The following USP31 variants were observed in gnomAD, a reference collection of about 807,000 sequenced individuals.
USP31 encodes the protein ubiquitin specific peptidase 31.
In USP31, 44 loss-of-function variants were observed where a neutral mutation model predicts 119.4. That is an observed-to-expected ratio of 0.37 (90% CI 0.29 to 0.47). The LOEUF is 0.47. USP31 is among the 20% of genes least tolerant of loss of function. The pLI is 0.99. For missense variants in USP31, 1,643 were observed against 1,730.2 expected (o/e 0.95, Z 0.89); for synonymous variants, 749 against 705.6 (o/e 1.06, Z -0.97).
intron 6 of USP31, among the ~76,000 whole-genome samples, chr16:23,094,613 C>G (rs1239170035): frequency 6.6e-6 from 1 of 152,134 alleles, no homozygotes; most frequent in Non-Finnish European, 1.5e-5. Flanking sequence ...ACAGACACCT[C>G]ATACAGGCGG....
At chr16:23,126,081 C>T (rs1391561080) in intron 1 of USP31, among the ~76,000 whole-genome samples, 1 of 150,904 alleles carries the variant, frequency 6.6e-6, no homozygotes, top group Non-Finnish European at 1.5e-5. Context: ...TTTGGGAGGC[C>T]GAGACGTGAG....
At chr16:23,100,822 G>A (rs1040553970) in intron 6 of USP31, among the ~76,000 whole-genome samples, 2 of 152,150 alleles carry the variant, frequency 1.3e-5, no homozygotes, top group African/African-American at 4.8e-5. Context: ...GGTACCTTGG[G>A]AAAACAAAGC....
At chr16:23,078,529 C>T (rs1300591623) in intron 13 of USP31, among the ~76,000 whole-genome samples, 2 of 152,090 alleles carry the variant, frequency 1.3e-5, no homozygotes, top group Admixed American at 1.3e-4. Context: ...GACCCTCCCC[C>T]TCCAGCACGC....
At chr16:23,143,839 C>G (rs906743335) in intron 1 of USP31, among the ~76,000 whole-genome samples, 2 of 151,712 alleles carry the variant, frequency 1.3e-5, no homozygotes, top group African/African-American at 2.4e-5. Context: ...CCAGCTGTGA[C>G]AACCAAGTAG....
At chr16:23,142,984 G>C (rs1903395430) in intron 1 of USP31, among the ~76,000 whole-genome samples, 1 of 152,178 alleles carries the variant, frequency 6.6e-6, no homozygotes, top group African/African-American at 2.4e-5. Flanking sequence ...AGAACCCCCA[G>C]CATGAGTGCA....
In USP31 at chr16:23,080,134, T is replaced by C. The variant is rs372088272; in HGVS notation, c.1988A>G (p.Lys663Arg). The C allele has an allele frequency of 3.7e-5, 58 of 1,585,448 alleles. No homozygotes were observed. Among genetic ancestry groups the C allele is most frequent in the South Asian group, 8.2e-5 (7 of 85,528 alleles). The change falls in exon 13 of 16, where the codon AAA (lysine) becomes AGA (arginine). Residue 663 changes from lysine to arginine, a missense_variant. Coordinates refer to ENST00000219689, the MANE Select transcript of USP31 (RefSeq NM_020718.4). ...DRRMKLQNMV[K>R]FPLTGLDMTP... ...CATGTCCAGGCCAGTCAAGGGGAAT[T>C]TGACCATGTTCTGAAGTTTCATGCG... is the stretch of plus-strand genomic sequence containing the variant.
chr16:23,148,614 G>A (rs780397003), intron 1 of USP31, 24 bp downstream of exon 1: 2 of 1,447,600 alleles, frequency 1.4e-6, no homozygotes, highest in Non-Finnish European at 1.8e-6. Context: ...GGTGCAGTGG[G>A]GGCGCGGCGG....
rs1201292627 is a variant in USP31, at chr16:23,064,291, T to A, written c.*3755A>T. The A allele has an allele frequency of 6.6e-6, 1 of 152,444 alleles. No individual in the cohort carries two copies. The highest frequency in any genetic ancestry group is 1.5e-5 in the Non-Finnish European group (1 of 68,032). The allele number at this position is 152,444 out of a possible 1,614,324, so 9.4% of individuals were successfully genotyped here. A position where few individuals can be genotyped will look rare whatever the true frequency, so the allele number is the denominator to read the frequency against. The stretch of plus-strand genomic sequence containing the variant: ...AATGAAATGTAACGTCTGATGCCCC[T>A]CTATGTGAAATAAAGCACGCTTATT... On this transcript the variant is annotated 3_prime_UTR_variant, in exon 16 of 16. Transcript: ENST00000219689.
In USP31 at chr16:23,062,470, C is replaced by T. The variant is rs1396112674; in HGVS notation, c.*5576G>A. 6.6e-6 allele frequency: 1 copy of T among 152,346 alleles called. No individual in the cohort carries two copies. The highest frequency in any genetic ancestry group is 1.5e-5 in the Non-Finnish European group (1 of 67,992). 9.4% of individuals were successfully genotyped at this position (152,346 alleles called of 1,614,324 possible). On this transcript the variant is annotated 3_prime_UTR_variant, in exon 16 of 16. Transcript: ENST00000219689. Reference sequence around the variant, plus strand: ...AACCACATTCTGGATAAGAACTATCCTAGAGAATGAGCAAAAGTAGGAAAT... The same window carrying T: ...AACCACATTCTGGATAAGAACTATCTTAGAGAATGAGCAAAAGTAGGAAAT...
chr16:23,078,411 T>C (rs1188752802), intron 13 of USP31, among the ~76,000 whole-genome samples: 1 of 151,916 alleles, frequency 6.6e-6, no homozygotes, highest in East Asian at 1.9e-4. Flanking sequence ...GCAGAAGGCA[T>C]GCGCCACTCA....
rs1901927505 is a variant in USP31 at position 23,102,571 on chromosome 16, A to C, written c.1090-108T>G. Reference sequence around the variant, plus strand: ...CCATCAGGACTGGCAGTGGTCTGAGAGACATCTCGCAGAGCCCACTTTATT... The same window carrying C: ...CCATCAGGACTGGCAGTGGTCTGAGCGACATCTCGCAGAGCCCACTTTATT... On this transcript the variant is annotated intron_variant, in intron 5 of 15. Transcript: ENST00000219689. The C allele has an allele frequency of 8.4e-6, 11 of 1,316,584 alleles. No homozygotes were observed. The South Asian group carries it at 1.6e-4, about 19-fold the overall frequency. The allele number at this position is 1,316,584 out of a possible 1,614,324, so 81.6% of individuals were successfully genotyped here.
chr16:23,086,154 C>A (rs1901099237), intron 9 of USP31, among the ~76,000 whole-genome samples: 1 of 152,148 alleles, frequency 6.6e-6, no homozygotes, highest in Non-Finnish European at 1.5e-5. Flanking sequence ...TTGCCATCTC[C>A]TGAGAAACCC....
chr16:23,110,868 C>T (rs1369039957), intron 1 of USP31, among the ~76,000 whole-genome samples: 2 of 152,312 alleles, frequency 1.3e-5, no homozygotes, highest in South Asian at 2.1e-4. Context: ...GTGGCTCACA[C>T]CTGTAATCCC....
At chr16:23,137,787 AAAAC>A (rs751074118) in intron 1 of USP31, among the ~76,000 whole-genome samples, 5 of 152,008 alleles carry the variant, frequency 3.3e-5, no homozygotes, top group African/African-American at 9.7e-5. Context: ...TCATTATAGT[AAAAC>A]AAACAAACAA....
At chr16:23,100,031 G>C (rs1901780889) in intron 6 of USP31, among the ~76,000 whole-genome samples, 1 of 152,208 alleles carries the variant, frequency 6.6e-6, no homozygotes, top group African/African-American at 2.4e-5. Context: ...TAATAATCAA[G>C]TGTTGGCGAG....
intron 6 of USP31, among the ~76,000 whole-genome samples, chr16:23,093,829 G>C (rs931039070): frequency 1.3e-5 from 2 of 152,234 alleles, no homozygotes; most frequent in African/African-American, 4.8e-5. Flanking sequence ...ACATGCATAT[G>C]TATGTATGGA....
rs371962798 is a variant in USP31 at position 23,090,638 on chromosome 16, C to T, written c.1401G>A (p.Gly467=). 1.1e-3 allele frequency: 1,764 copies of T among 1,608,302 alleles called. 40 individuals carry two copies. In the South Asian group the frequency reaches 0.018, roughly 17 times the overall value. Residue 467 remains glycine, a synonymous_variant, in exon 7 of 16, where the codon GGG becomes GGA. Transcript: ENST00000219689. The part of the protein sequence containing the change: ...VLLVCNRACT[G]QQGKRFGLPF... Reference sequence around the variant, plus strand: ...CTGGTTCTCACCTTTTCCCTTGTTGCCCAGTGCAGGCTCGGTTACACACCA... The same window carrying T: ...CTGGTTCTCACCTTTTCCCTTGTTGTCCAGTGCAGGCTCGGTTACACACCA...
intron 14 of USP31, chr16:23,072,594 A>C (rs980145692): frequency 4.0e-6 from 2 of 499,284 alleles, no homozygotes; most frequent in African/African-American, 3.8e-5. Flanking sequence ...TTACACAAAG[A>C]GAAGAGAGGA....
chr16:23,132,348 G>A lies in USP31; in HGVS notation c.633+16290C>T, dbSNP rs1031807389. ...ATATAAAAGGTTTTTTTTTTTTTTT[G>A]TGGAAACTATGAGGTCATTGTTTTC... On this transcript the variant is annotated intron_variant, in intron 1 of 15. Coordinates refer to ENST00000219689, the MANE Select transcript of USP31 (RefSeq NM_020718.4). 1.7e-4 allele frequency among the ~76,000 whole-genome samples: 16 copies of A among 91,898 alleles called. No homozygotes were observed. The East Asian group carries it at 4.2e-3, about 24-fold the overall frequency. The allele number at this position is 91,898 out of a possible 152,430, so 60.3% of individuals were successfully genotyped here.
Sources: gnomAD v4.1 joint callset for allele counts (sites outside exome capture counted in the v4.1 genomes callset) on GRCh38, gnomAD v4.1.1 for gene constraint, MANE v1.5 for transcripts, NCBI Gene and HGNC (gene_info 2026-07-23, HGNC 2026-07-21) for gene names.